Variants in MBNL1 observed in about 807,000 individuals in gnomAD.
The protein encoded by MBNL1 is muscleblind like splicing regulator 1.
In MBNL1, 8 loss-of-function variants were observed where a neutral mutation model predicts 42.2. That is an observed-to-expected ratio of 0.19 (90% CI 0.11 to 0.34). MBNL1 has a LOEUF of 0.34. Among genes scored for constraint, MBNL1 ranks in the 10% least tolerant of loss-of-function variants. The pLI is 1.00. For missense variants in MBNL1, 309 were observed against 495.3 expected (o/e 0.62, Z 3.57); for synonymous variants, 169 against 173.9 (o/e 0.97, Z 0.22).
At chr3:152,385,213 A>G (rs1181357908) in intron 2 of MBNL1, among the ~76,000 whole-genome samples, 1 of 151,930 alleles carries the variant, frequency 6.6e-6, no homozygotes, top group Non-Finnish European at 1.5e-5. Flanking sequence ...TTAAAAAAAT[A>G]TTTCTTCTTG....
At chr3:152,410,444 A>G (rs1030617990) in intron 2 of MBNL1, among the ~76,000 whole-genome samples, 5 of 152,246 alleles carry the variant, frequency 3.3e-5, no homozygotes, top group African/African-American at 9.6e-5. Context: ...AGTACAGAAA[A>G]AATATTACAA....
intron 2 of MBNL1, among the ~76,000 whole-genome samples, chr3:152,362,503 T>A (rs975129034): frequency 1.3e-5 from 2 of 152,184 alleles, no homozygotes; most frequent in African/African-American, 4.8e-5. Flanking sequence ...TAGTTTGATT[T>A]CTGAAGGATG....
Position 152,350,396 on chromosome 3 carries a change from A to G in MBNL1, c.174+50029A>G, listed in dbSNP as rs572660545. ...TCACTAGTAAATTGGGAGGTAATGC[A>G]TGAGGCCTCAACACATGTAGACAAC... On this transcript the variant is annotated intron_variant, in intron 2 of 9. Coordinates refer to ENST00000324210, the MANE Select transcript of MBNL1 (RefSeq NM_021038.5). Among the ~76,000 whole-genome samples the G allele has an allele frequency of 3.3e-5, 5 of 152,270 alleles. No individual in the cohort carries two copies. The South Asian group carries it at 8.3e-4, about 25-fold the overall frequency.
chr3:152,408,243 G>GAT (rs2098481537), intron 2 of MBNL1, among the ~76,000 whole-genome samples: 1 of 151,840 alleles, frequency 6.6e-6, no homozygotes, highest in African/African-American at 2.4e-5. Flanking sequence ...TTATTAACAG[G>GAT]ATATATACTA....
intron 2 of MBNL1, among the ~76,000 whole-genome samples, chr3:152,373,715 T>C (rs1410108333): frequency 6.6e-6 from 1 of 152,168 alleles, no homozygotes; most frequent in Non-Finnish European, 1.5e-5. Context: ...ACTTTCTGCA[T>C]TGATCTCACT....
intron 1 of MBNL1, among the ~76,000 whole-genome samples, chr3:152,279,345 T>C (rs553068865): frequency 7.2e-5 from 11 of 152,190 alleles, no homozygotes; most frequent in African/African-American, 2.6e-4. Flanking sequence ...AAGCCAGGTC[T>C]TTTCATACTT....
intron 2 of MBNL1, among the ~76,000 whole-genome samples, chr3:152,330,266 C>G (rs1020910149): frequency 1.3e-5 from 2 of 152,056 alleles, no homozygotes; most frequent in Non-Finnish European, 2.9e-5. Flanking sequence ...AGATGCACAC[C>G]ACTGCCCAGC....
chr3:152,371,195 G>A (rs1468718641), intron 2 of MBNL1, among the ~76,000 whole-genome samples: 2 of 152,100 alleles, frequency 1.3e-5, no homozygotes, highest in East Asian at 3.9e-4. Context: ...CAGGACTGGT[G>A]GTGACAAAAT....
chr3:152,380,390 G>T (rs751582839), intron 2 of MBNL1, among the ~76,000 whole-genome samples: 28 of 152,118 alleles, frequency 1.8e-4, no homozygotes, highest in Non-Finnish European at 3.5e-4. Context: ...TTATGGTAAG[G>T]TCTAAACGGG....
At chr3:152,303,729 C>CA (rs554059646) in intron 2 of MBNL1, among the ~76,000 whole-genome samples, 31 of 149,994 alleles carry the variant, frequency 2.1e-4, no homozygotes, top group East Asian at 5.9e-4. Context: ...TTTATACCCT[C>CA]AAAAAAAAAG....
chr3:152,327,546 C>A (rs1028263159), intron 2 of MBNL1, among the ~76,000 whole-genome samples: 1 of 151,264 alleles, frequency 6.6e-6, no homozygotes, highest in South Asian at 2.1e-4. Context: ...TGGGGTTTCA[C>A]CCATGTTGGC....
At chr3:152,387,109 C>T (rs1220344479) in intron 2 of MBNL1, among the ~76,000 whole-genome samples, 1 of 152,046 alleles carries the variant, frequency 6.6e-6, no homozygotes, top group African/African-American at 2.4e-5. Flanking sequence ...CTATGAATCT[C>T]TCAGGTAATT....
At chr3:152,292,571 C>T (rs572111530) in intron 1 of MBNL1, among the ~76,000 whole-genome samples, 45 of 152,268 alleles carry the variant, frequency 3.0e-4, no homozygotes, top group African/African-American at 8.7e-4. Flanking sequence ...TGAAATGTGG[C>T]AGACCAGCAG....
intron 2 of MBNL1, among the ~76,000 whole-genome samples, chr3:152,314,156 T>C (rs996930252): frequency 6.6e-6 from 1 of 152,222 alleles, no homozygotes; most frequent in Non-Finnish European, 1.5e-5. Flanking sequence ...AATATTAAAG[T>C]TTATTTTTTC....
chr3:152,409,016 T>A (rs2098505082), intron 2 of MBNL1, among the ~76,000 whole-genome samples: 1 of 152,148 alleles, frequency 6.6e-6, no homozygotes, highest in African/African-American at 2.4e-5. Flanking sequence ...CGGAAACAAG[T>A]GAGTTATCAG....
At chr3:152,411,551 CATATTT>C (rs1374209930) in intron 2 of MBNL1, among the ~76,000 whole-genome samples, 2 of 152,038 alleles carry the variant, frequency 1.3e-5, no homozygotes, top group South Asian at 2.1e-4. Flanking sequence ...AAACTGAAGA[CATATTT>C]ATATTTATAT....
At chr3:152,370,684 T>G (rs1162783285) in intron 2 of MBNL1, among the ~76,000 whole-genome samples, 2 of 152,218 alleles carry the variant, frequency 1.3e-5, no homozygotes, top group Non-Finnish European at 2.9e-5. Flanking sequence ...GGTGCTTCTG[T>G]ATAGGGTGCC....
At chr3:152,251,305 T>C (rs2034484898) in intron 2 of MBNL1, among the ~76,000 whole-genome samples, 1 of 152,134 alleles carries the variant, frequency 6.6e-6, no homozygotes, top group Admixed American at 6.6e-5. Flanking sequence ...TTGTTTATTT[T>C]TCTTGTGTAA....
At chr3:152,289,597 A>T (rs1427153856) in intron 1 of MBNL1, among the ~76,000 whole-genome samples, 1 of 152,086 alleles carries the variant, frequency 6.6e-6, no homozygotes, top group Non-Finnish European at 1.5e-5. Context: ...TTTGAAAAAA[A>T]GTCAAGTTAA....
Sources: allele counts gnomAD v4.1 joint callset (sites outside exome capture counted in the v4.1 genomes callset), GRCh38; gene constraint gnomAD v4.1.1; transcripts MANE v1.5; gene names NCBI Gene and HGNC (gene_info 2026-07-23, HGNC 2026-07-21).